The following MYBL2 variants were observed in gnomAD, a reference collection of about 807,000 sequenced individuals.
MYBL2 encodes myb-related protein B.
A neutral mutation model predicts 79.9 loss-of-function variants in MYBL2; 28 were observed. The observed-to-expected ratio is 0.35, with a 90% CI of 0.26 to 0.48. The LOEUF (loss-of-function observed/expected upper bound fraction) is 0.48, where lower values mean the gene tolerates loss of function less well. MYBL2 is among the 20% of genes least tolerant of loss of function. MYBL2 has a pLI of 0.99. For synonymous variants in MYBL2, 378 were observed against 361.2 expected, an observed-to-expected ratio of 1.05 and a Z score of -0.53; for missense variants, 735 against 893.9, an observed-to-expected ratio of 0.82 and a Z score of 2.27.
In MYBL2 at chr20:43,705,046, C is replaced by T. The variant is rs150996331; in HGVS notation, c.1366-173C>T. 3.9e-5 allele frequency among the ~76,000 whole-genome samples: 6 copies of T among 152,204 alleles called. No individual in the cohort carries two copies. The South Asian group carries it at 8.3e-4, about 21-fold the overall frequency. On this transcript the variant is annotated intron_variant, in intron 8 of 13. Coordinates refer to ENST00000217026, the MANE Select transcript of MYBL2 (RefSeq NM_002466.4). Reference sequence around the variant, plus strand: ...AACCTGCTTGGTGGGCTCCTGGCATCGATCTGTCCCAGTCCTTGTTCTCGG... The same window carrying T: ...AACCTGCTTGGTGGGCTCCTGGCATTGATCTGTCCCAGTCCTTGTTCTCGG...
intron 6 of MYBL2, among the ~76,000 whole-genome samples, chr20:43,698,857 T>A (rs1237196860): frequency 9.5e-6 from 1 of 105,422 alleles, no homozygotes; most frequent in Admixed American, 1.1e-4. Context: ...CTTTTTTTTT[T>A]ATTAGAGTCT....
Position 43,716,018 on chromosome 20 carries a change from G to A in MYBL2, c.2034G>A (p.Gln678=). 6.2e-7 allele frequency: 1 copy of A among 1,612,100 alleles called. No individual in the cohort carries two copies. The highest frequency in any genetic ancestry group is 1.3e-5 in the African/African-American group (1 of 75,026). The change falls in exon 14 of 14, where the codon CAG becomes CAA. Residue 678 remains glutamine, a synonymous_variant. Transcript: ENST00000217026. ...GGACCAGGGACCAGCTTTTCATGCA[G>A]GAGAAAGCCCGGCAGCTCCTGGGCC... ...CGGTRDQLFM[Q]EKARQLLGRL...
Position 43,699,821 on chromosome 20 carries a change from A to G in MYBL2, c.728A>G (p.Glu243Gly). ...PTIKEEENSEEELAAATTSKE... is the reference protein window; with the variant it reads ...PTIKEEENSEGELAAATTSKE... Reference sequence around the variant, plus strand: ...ATAAAGGAGGAGGAAAACAGTGAGGAGGAACTTGCAGCAGCCACCACATCG... The same window carrying G: ...ATAAAGGAGGAGGAAAACAGTGAGGGGGAACTTGCAGCAGCCACCACATCG... Residue 243 changes from glutamate to glycine, a missense_variant, in exon 7 of 14, where the codon GAG becomes GGG. By Grantham distance (98) the Glu-to-Gly change is moderately conservative. Transcript: ENST00000217026. The G allele has an allele frequency of 6.2e-7, 1 of 1,614,178 alleles. No individual in the cohort carries two copies. The highest frequency in any genetic ancestry group is 8.5e-7 in the Non-Finnish European group (1 of 1,180,028).
chr20:43,687,177 C>G lies in MYBL2; in HGVS notation c.500+105C>G. 3 of 1,194,890 alleles carry G rather than the reference C, an allele frequency of 2.5e-6. No homozygotes were observed. The South Asian group carries it at 4.4e-5, about 18-fold the overall frequency. The allele number at this position is 1,194,890 out of a possible 1,614,324, so 74.0% of individuals were successfully genotyped here. A position where few individuals can be genotyped will look rare whatever the true frequency, so the allele number is the denominator to read the frequency against. Reference sequence around the variant, plus strand: ...GGTATTGTGGTCCTGTGCTCTTGTTCTGTAACACCCAGCCTCGGCTCCAGG... The same window carrying G: ...GGTATTGTGGTCCTGTGCTCTTGTTGTGTAACACCCAGCCTCGGCTCCAGG... On this transcript the variant is annotated intron_variant, in intron 5 of 13. Coordinates refer to ENST00000217026, the MANE Select transcript of MYBL2 (RefSeq NM_002466.4).
At chr20:43,712,723 TC>T (rs1188738978) in intron 11 of MYBL2, among the ~76,000 whole-genome samples, 1 of 152,114 alleles carries the variant, frequency 6.6e-6, no homozygotes, top group Non-Finnish European at 1.5e-5. Context: ...TGAGAACAGG[TC>T]ACTTCGTGGT....
intron 4 of MYBL2, among the ~76,000 whole-genome samples, chr20:43,686,619 A>G (rs1434054600): frequency 3.9e-5 from 6 of 152,176 alleles, no homozygotes; most frequent in Non-Finnish European, 7.3e-5. Flanking sequence ...TTCTTGGCCT[A>G]GATTTATTCC....
intron 6 of MYBL2, among the ~76,000 whole-genome samples, chr20:43,692,887 A>G (rs191786175): frequency 1.1e-4 from 17 of 152,340 alleles, no homozygotes; most frequent in African/African-American, 3.8e-4. Flanking sequence ...GTCAAGGTAT[A>G]CAACAGTCCC....
chr20:43,707,194 T>A (rs866598083), intron 9 of MYBL2, among the ~76,000 whole-genome samples: 237 of 150,238 alleles, frequency 1.6e-3, no homozygotes, highest in African/African-American at 5.4e-3. Context: ...TTTTTTTTTT[T>A]TAAAAAAAAA....
At chr20:43,712,771 A>C (rs1357958055) in intron 11 of MYBL2, among the ~76,000 whole-genome samples, 4 of 152,102 alleles carry the variant, frequency 2.6e-5, no homozygotes, top group Non-Finnish European at 4.4e-5. Flanking sequence ...CTGTCGCAGC[A>C]CCTGGCAGGA....
chr20:43,671,396 T>C (rs1388230014), intron 1 of MYBL2, among the ~76,000 whole-genome samples: 2 of 151,162 alleles, frequency 1.3e-5, no homozygotes, highest in African/African-American at 4.9e-5. Flanking sequence ...GACCTTGTGA[T>C]CCACCCACCT....
In MYBL2 at chr20:43,673,868, G is replaced by C; in HGVS notation, c.83G>C (p.Ser28Thr). ...TDSDVPEQRD[S>T]KCKVKWTHEE... Reference sequence around the variant, plus strand: ...TCAGATGTGCCGGAGCAGAGGGATAGCAAGTGCAAGGTCAAATGGACCCAT... The same window carrying C: ...TCAGATGTGCCGGAGCAGAGGGATACCAAGTGCAAGGTCAAATGGACCCAT... Residue 28 changes from serine to threonine, a missense_variant, in exon 2 of 14, where the codon AGC becomes ACC. Coordinates refer to ENST00000217026, the MANE Select transcript of MYBL2 (RefSeq NM_002466.4). 1 of 1,554,472 alleles carries C rather than the reference G, an allele frequency of 6.4e-7. No homozygotes were observed. The highest frequency in any genetic ancestry group is 8.7e-7 in the Non-Finnish European group (1 of 1,148,274).
intron 1 of MYBL2, among the ~76,000 whole-genome samples, chr20:43,668,496 G>C (rs928507817): frequency 6.6e-6 from 1 of 151,918 alleles, no homozygotes; most frequent in African/African-American, 2.4e-5. Context: ...CACCTTGCCC[G>C]GCCAAACTTC....
intron 1 of MYBL2, among the ~76,000 whole-genome samples, chr20:43,668,676 C>G (rs1423033370): frequency 7.0e-6 from 1 of 142,948 alleles, no homozygotes; most frequent in Non-Finnish European, 1.5e-5. Context: ...CCTATCAGAC[C>G]CTGCCCTGGT....
intron 5 of MYBL2, among the ~76,000 whole-genome samples, chr20:43,688,599 C>A (rs1987334104): frequency 6.6e-6 from 1 of 152,138 alleles, no homozygotes; most frequent in Non-Finnish European, 1.5e-5. Flanking sequence ...CCTTCTGCCT[C>A]AGCCTTCCAA....
At position 43,711,539 on chromosome 20, in the gene MYBL2, G is replaced by T. The variant is rs1401780545; in HGVS notation, c.1657G>T (p.Ala553Ser). 1 of 1,613,882 alleles carries T rather than the reference G, an allele frequency of 6.2e-7. No homozygotes were observed. The highest frequency in any genetic ancestry group is 8.5e-7 in the Non-Finnish European group (1 of 1,179,896). ...CTTGAAGGAGGTGCTGCGTTCTGAG[G>T]CTGGCATCGAACTCATCATCGAGGA... The part of the protein sequence containing the change: ...EDLKEVLRSE[A>S]GIELIIEDDI... Residue 553 changes from alanine to serine, a missense_variant, in exon 11 of 14, where the codon GCT becomes TCT. Ala to Ser is a moderately conservative substitution (Grantham distance 99). Transcript: ENST00000217026.
In MYBL2 at chr20:43,716,201, C is replaced by T. The variant is rs1025883220; in HGVS notation, c.*114C>T. 7.2e-6 allele frequency: 11 copies of T among 1,520,304 alleles called. No individual in the cohort carries two copies. The African/African-American group carries it at 1.4e-4, about 19-fold the overall frequency. The allele number at this position is 1,520,304 out of a possible 1,614,324, so 94.2% of individuals were successfully genotyped here. On this transcript the variant is annotated 3_prime_UTR_variant, in exon 14 of 14. Transcript: ENST00000217026. ...CCTCCTGCAGGGAGCCTTCTGCCAC[C>T]AGCCCCTCCCCAGACTCTCAGGTGG... is the stretch of plus-strand genomic sequence containing the variant.
At position 43,667,238 on chromosome 20, in the gene MYBL2, G is replaced by C. The variant is rs1249727160; in HGVS notation, c.-46G>C. ...GACCCCGGCCCGGCTCCCGCTCCGG[G>C]CTCTGCCGGCGGGCGGGCGAGCGCG... On this transcript the variant is annotated 5_prime_UTR_variant, in exon 1 of 14. Coordinates refer to ENST00000217026, the MANE Select transcript of MYBL2 (RefSeq NM_002466.4). The C allele has an allele frequency of 3.7e-5, 44 of 1,204,158 alleles. No homozygotes were observed. The highest frequency in any genetic ancestry group is 4.3e-5 in the Non-Finnish European group (42 of 969,520). The allele number at this position is 1,204,158 out of a possible 1,614,324, so 74.6% of individuals were successfully genotyped here.
chr20:43,668,481 T>G (rs1404281438), intron 1 of MYBL2, among the ~76,000 whole-genome samples: 1 of 152,134 alleles, frequency 6.6e-6, no homozygotes, highest in Non-Finnish European at 1.5e-5. Context: ...ATTACAGGCG[T>G]GAGCCACCTT....
In MYBL2 at chr20:43,673,612, C is replaced by T. The variant is rs982285748; in HGVS notation, c.21-194C>T. On this transcript the variant is annotated intron_variant, in intron 1 of 13. Transcript: ENST00000217026. ...CGATCATGCCACACTGAATTCCAGCCCAGTGACAGAGTGAGACCCTGTCTC... is the reference window on the plus strand; with the variant it reads ...CGATCATGCCACACTGAATTCCAGCTCAGTGACAGAGTGAGACCCTGTCTC... 7.0e-5 allele frequency: 47 copies of T among 666,962 alleles called. No homozygotes were observed. In the African/African-American group the frequency reaches 7.8e-4, roughly 11 times the overall value. The allele number at this position is 666,962 out of a possible 1,614,324, so 41.3% of individuals were successfully genotyped here. A position where few individuals can be genotyped will look rare whatever the true frequency, so the allele number is the denominator to read the frequency against.
Sources: allele counts gnomAD v4.1 joint callset (sites outside exome capture counted in the v4.1 genomes callset), GRCh38; gene constraint gnomAD v4.1.1; transcripts MANE v1.5; gene names NCBI Gene and HGNC (gene_info 2026-07-23, HGNC 2026-07-21).